The following OR4K17 variants were observed in gnomAD, a reference collection of about 807,000 sequenced individuals.
The protein encoded by OR4K17 is olfactory receptor family 4 subfamily K member 17.
For missense variants in OR4K17, 480 were observed against 366.3 expected, an observed-to-expected ratio of 1.31 and a Z score of -2.53; for synonymous variants, 157 against 132.8, an observed-to-expected ratio of 1.18 and a Z score of -1.25.
intron 1 of OR4K17, among the ~76,000 whole-genome samples, chr14:20,116,506 G>A (rs560719225): frequency 1.3e-5 from 2 of 152,256 alleles, no homozygotes; most frequent in African/African-American, 2.4e-5. Flanking sequence ...GTAAATAAAT[G>A]TGAATGGAGT....
intron 1 of OR4K17, 69 bp from the exon 2 acceptor site, chr14:20,117,399 T>C: frequency 6.4e-7 from 1 of 1,567,698 alleles, no homozygotes; most frequent in Non-Finnish European, 8.6e-7. Flanking sequence ...ATAAGTTTGG[T>C]TTTTCATATG....
intron 1 of OR4K17, among the ~76,000 whole-genome samples, chr14:20,117,103 G>A (rs1420188024): frequency 6.6e-6 from 1 of 152,182 alleles, no homozygotes; most frequent in Non-Finnish European, 1.5e-5. Context: ...GTTTGAAAGA[G>A]TAGAGGTTGT....
chr14:20,118,960 TG>T lies in OR4K17; in HGVS notation c.*526del, dbSNP rs1283327347. ...AGGAATTTCCTCACCCTAATAGGCC[TG>T]GGGACACTACAGGAGACTGGGGCTT... On this transcript the variant is annotated 3_prime_UTR_variant, in exon 2 of 2. Transcript: ENST00000641386. 3 of 154,868 alleles carry T rather than the reference TG, an allele frequency of 1.9e-5. No individual in the cohort carries two copies. Among genetic ancestry groups the T allele is most frequent in the Non-Finnish European group, 4.3e-5 (3 of 70,080 alleles). The allele number at this position is 154,868 out of a possible 1,614,324, so 9.6% of individuals were successfully genotyped here.
chr14:20,116,323 C>T (rs974363000), intron 1 of OR4K17, among the ~76,000 whole-genome samples: 83 of 152,208 alleles, frequency 5.5e-4, no homozygotes, highest in Non-Finnish European at 9.3e-4. Context: ...TCTGCATAAT[C>T]TGTCTCACAC....
rs1878029638 is a variant in OR4K17, at chr14:20,117,638, G to A, written c.139G>A (p.Val47Ile). 1 of 1,613,796 alleles carries A rather than the reference G, an allele frequency of 6.2e-7. No individual in the cohort carries two copies. The change falls in exon 2 of 2, where the codon GTC (valine) becomes ATC (isoleucine). Residue 47 changes from valine to isoleucine, a missense_variant. Val to Ile is a conservative substitution (Grantham distance 29). Transcript: ENST00000641386. ...AGTTTTGGGTAACCTTCTTATTATA[G>A]TCACAGTGTTTAACACCCCTAACCT... ...VTVLGNLLIIVTVFNTPNLNT... is the reference protein window; with the variant it reads ...VTVLGNLLIIITVFNTPNLNT...
chr14:20,117,818 C>G lies in OR4K17; in HGVS notation c.319C>G (p.Leu107Val). The G allele has an allele frequency of 2.5e-6, 4 of 1,614,088 alleles. No homozygotes were observed. The highest frequency in any genetic ancestry group is 3.4e-6 in the Non-Finnish European group (4 of 1,180,010). ...CACTCAGATATTTCTCCTTCACTTA[C>G]TGGGTGGGGTTGAAATGGTACTGTT... ...CFTQIFLLHL[L>V]GGVEMVLLVS... The change falls in exon 2 of 2, where the codon CTG becomes GTG. Residue 107 changes from leucine to valine, a missense_variant. Coordinates refer to ENST00000641386, the MANE Select transcript of OR4K17 (RefSeq NM_001004715.5).
chr14:20,119,595 G>A lies in OR4K17; in HGVS notation c.*1157G>A, dbSNP rs927744718. 6.6e-6 allele frequency: 1 copy of A among 152,462 alleles called. No homozygotes were observed. Among genetic ancestry groups the A allele is most frequent in the African/African-American group, 2.4e-5 (1 of 41,442 alleles). 9.4% of individuals were successfully genotyped at this position (152,462 alleles called of 1,614,324 possible). On this transcript the variant is annotated 3_prime_UTR_variant, in exon 2 of 2. Transcript: ENST00000641386. ...GGGGTCCCTGACTTCCCGCAACAGA[G>A]CCAAGGCAGGTTGCCTTGGCTGACT...
rs113034772 is a variant in OR4K17 at position 20,121,619 on chromosome 14, G to A, written c.*3181G>A. On this transcript the variant is annotated 3_prime_UTR_variant, in exon 2 of 2. Coordinates refer to ENST00000641386, the MANE Select transcript of OR4K17 (RefSeq NM_001004715.5). ...GGTAACTACAAATGAAAAACCTATA[G>A]AGCATTTACAAAAACAAAAAAAATA... 2 of 151,418 alleles carry A rather than the reference G, an allele frequency of 1.3e-5. No individual in the cohort carries two copies. Among genetic ancestry groups the A allele is most frequent in the African/African-American group, 4.9e-5 (2 of 41,234 alleles). 9.4% of individuals were successfully genotyped at this position (151,418 alleles called of 1,614,324 possible).
Position 20,117,442 on chromosome 14 carries a change from G to C in OR4K17, c.-32-26G>C. ...ATTTTTCACTCATACTCCATGGTAT[G>C]AGTGATCTTTTCTTTCTCTCTACAG... On this transcript the variant is annotated intron_variant, in intron 1 of 1. Transcript: ENST00000641386. 5 of 1,611,078 alleles carry C rather than the reference G, an allele frequency of 3.1e-6. No homozygotes were observed. The highest frequency in any genetic ancestry group is 2.5e-6 in the Non-Finnish European group (3 of 1,179,076).
intron 1 of OR4K17, among the ~76,000 whole-genome samples, chr14:20,115,322 A>C (rs545486174): frequency 4.6e-5 from 7 of 152,222 alleles, no homozygotes; most frequent in Non-Finnish European, 8.8e-5. Context: ...TCTCTTTGTT[A>C]ATAGTTGTGG....
At chr14:20,117,410 G>T in intron 1 of OR4K17, 58 bp from the exon 2 acceptor site, 2 of 1,578,142 alleles carry the variant, frequency 1.3e-6, no homozygotes, top group Middle Eastern at 1.7e-4. Flanking sequence ...TTTTCATATG[G>T]CTCTTTATTT....
Position 20,121,131 on chromosome 14 carries a change from G to C in OR4K17, c.*2693G>C, listed in dbSNP as rs368954026. 1.3e-5 allele frequency: 2 copies of C among 152,228 alleles called. No individual in the cohort carries two copies. The highest frequency in any genetic ancestry group is 4.8e-5 in the African/African-American group (2 of 41,448). The allele number at this position is 152,228 out of a possible 1,614,324, so 9.4% of individuals were successfully genotyped here. On this transcript the variant is annotated 3_prime_UTR_variant, in exon 2 of 2. Transcript: ENST00000641386. ...GTACTGAAACCAGCCTGTGAAGTCT[G>C]GAAGAGATGACTGCTCCAACAAATG... is the stretch of plus-strand genomic sequence containing the variant.
In OR4K17 at chr14:20,118,306, G is replaced by T; in HGVS notation, c.807G>T (p.Lys269Asn). The T allele has an allele frequency of 6.2e-7, 1 of 1,613,578 alleles. No homozygotes were observed. Among genetic ancestry groups the T allele is most frequent in the Non-Finnish European group, 8.5e-7 (1 of 1,179,606 alleles). ...IWPFGNHSVDKFLAVFYTIIT... is the reference protein window; with the variant it reads ...IWPFGNHSVDNFLAVFYTIIT... Reference sequence around the variant, plus strand: ...CCTTCGGCAACCACTCTGTAGATAAGTTCCTTGCTGTGTTTTATACCATCA... The same window carrying T: ...CCTTCGGCAACCACTCTGTAGATAATTTCCTTGCTGTGTTTTATACCATCA... The change falls in exon 2 of 2, where the codon AAG becomes AAT. Residue 269 changes from lysine (K) to asparagine (N), a missense_variant. Transcript: ENST00000641386.
intron 1 of OR4K17, among the ~76,000 whole-genome samples, chr14:20,113,669 CT>C (rs904482436): frequency 2.0e-5 from 3 of 151,826 alleles, no homozygotes; most frequent in Admixed American, 6.6e-5. Context: ...TACAGAAAAC[CT>C]TGAGTACAGT....
chr14:20,118,355 A>G lies in OR4K17; in HGVS notation c.856A>G (p.Ile286Val). Residue 286 changes from isoleucine to valine, a missense_variant, in exon 2 of 2, where the codon ATC (isoleucine) becomes GTC (valine). Transcript: ENST00000641386. ...TIITPILNPI[I>V]YTLRNKEMKI... is the part of the protein sequence containing the mutation. ...CATCACTCCTATCTTGAATCCAATT[A>G]TCTATACTCTGAGAAACAAAGAAAT... The G allele has an allele frequency of 6.2e-7, 1 of 1,611,732 alleles. No homozygotes were observed.
chr14:20,118,518 C>A lies in OR4K17; in HGVS notation c.*80C>A. On this transcript the variant is annotated 3_prime_UTR_variant, in exon 2 of 2. Coordinates refer to ENST00000641386, the MANE Select transcript of OR4K17 (RefSeq NM_001004715.5). Reference sequence around the variant, plus strand: ...CACTTTGGGAGGAATATCAGGGGAACCAGCCCCCAATATTTCAACATAGGT... The same window carrying A: ...CACTTTGGGAGGAATATCAGGGGAAACAGCCCCCAATATTTCAACATAGGT... 2 of 767,468 alleles carry A rather than the reference C, an allele frequency of 2.6e-6. No homozygotes were observed. Among genetic ancestry groups the A allele is most frequent in the South Asian group, 1.8e-5 (1 of 54,078 alleles). 47.5% of individuals were successfully genotyped at this position (767,468 alleles called of 1,614,324 possible). A position where few individuals can be genotyped will look rare whatever the true frequency, so the allele number is the denominator to read the frequency against.
rs1400214383 is a variant in OR4K17, at chr14:20,118,361, A to G, written c.862A>G (p.Thr288Ala). ...TCCTATCTTGAATCCAATTATCTAT[A>G]CTCTGAGAAACAAAGAAATGAAGAT... The part of the protein sequence containing the change: ...ITPILNPIIY[T>A]LRNKEMKISM... Residue 288 changes from threonine to alanine, a missense_variant, in exon 2 of 2, where the codon ACT becomes GCT. Transcript: ENST00000641386. The G allele has an allele frequency of 1.2e-6, 2 of 1,610,626 alleles. No homozygotes were observed. Among genetic ancestry groups the G allele is most frequent in the Non-Finnish European group, 1.7e-6 (2 of 1,177,430 alleles).
In OR4K17 at chr14:20,117,550, G is replaced by T; in HGVS notation, c.51G>T (p.Leu17=). Residue 17 remains leucine, a synonymous_variant, in exon 2 of 2, where the codon CTG becomes CTT. Transcript: ENST00000641386. ...SQVSEFILLG[L]TSSQDVEFLL... is the part of the protein sequence containing the mutation. ...TGTCAGAATTCATTTTGCTGGGACTGACCAGCTCCCAGGATGTAGAGTTTC... is the reference window on the plus strand; with the variant it reads ...TGTCAGAATTCATTTTGCTGGGACTTACCAGCTCCCAGGATGTAGAGTTTC... 6.2e-7 allele frequency: 1 copy of T among 1,613,944 alleles called. No homozygotes were observed. Among genetic ancestry groups the T allele is most frequent in the Non-Finnish European group, 8.5e-7 (1 of 1,179,920 alleles).
chr14:20,120,224 T>C lies in OR4K17; in HGVS notation c.*1786T>C, dbSNP rs941124638. 6 of 152,206 alleles carry C rather than the reference T, an allele frequency of 3.9e-5. No individual in the cohort carries two copies. The highest frequency in any genetic ancestry group is 1.4e-4 in the African/African-American group (6 of 41,450). The allele number at this position is 152,206 out of a possible 1,614,324, so 9.4% of individuals were successfully genotyped here. On this transcript the variant is annotated 3_prime_UTR_variant, in exon 2 of 2. Transcript: ENST00000641386. The stretch of plus-strand genomic sequence containing the variant: ...GATCATGTTTGGTTCTCTGTCTTCT[T>C]TACAATATTAATGTCTAAGTCAGCA...
Sources: gnomAD v4.1 joint callset for allele counts (sites outside exome capture counted in the v4.1 genomes callset) on GRCh38, gnomAD v4.1.1 for gene constraint, MANE v1.5 for transcripts, NCBI Gene and HGNC (gene_info 2026-07-23, HGNC 2026-07-21) for gene names.